Variants in PPFIA2 observed in about 807,000 individuals in gnomAD.
The protein encoded by PPFIA2 is liprin-alpha-2.
Under a neutral mutation model 175.5 loss-of-function variants are expected in PPFIA2, and 46 were observed. The ratio of observed to expected loss-of-function variants is 0.26; its 90% CI spans 0.21 to 0.34. The LOEUF (loss-of-function observed/expected upper bound fraction) is 0.34, where lower values mean the gene tolerates loss of function less well. PPFIA2 is among the 10% of genes least tolerant of loss of function. PPFIA2 has a pLI of 1.00. For synonymous variants in PPFIA2, 568 were observed against 511.4 expected, an observed-to-expected ratio of 1.11 and a Z score of -1.49; for missense variants, 1,179 against 1,506.1, an observed-to-expected ratio of 0.78 and a Z score of 3.60.
intron 4 of PPFIA2, among the ~76,000 whole-genome samples, chr12:81,642,745 G>A (rs60223370): frequency 0.78 from 6,690 of 8,596 alleles, 2,816 homozygotes; most frequent in East Asian, 0.87. Context: ...ATGTATGTAT[G>A]TATTATATAC....
chr12:81,684,127 A>G lies in PPFIA2; in HGVS notation c.250-7283T>C, dbSNP rs1007792957. ...ACAAACATTAAAACCATAGCAGTAG[A>G]TATCCTCCTATTTAACTCACCCACT... On this transcript the variant is annotated intron_variant, in intron 3 of 32. Transcript: ENST00000549396. Among the ~76,000 whole-genome samples, 9 of 152,122 alleles carry G rather than the reference A, an allele frequency of 5.9e-5. No homozygotes were observed. In the East Asian group the frequency reaches 9.7e-4, roughly 16 times the overall value.
intron 5 of PPFIA2, among the ~76,000 whole-genome samples, chr12:81,450,955 T>C (rs909087829): frequency 1.3e-5 from 2 of 152,160 alleles, no homozygotes; most frequent in African/African-American, 4.8e-5. Context: ...GAACTACTGA[T>C]AGAAATAAGA....
rs1214838209 is a variant in PPFIA2 at position 81,347,562 on chromosome 12, C to G, written c.2203G>C (p.Glu735Gln). 5 of 1,612,530 alleles carry G rather than the reference C, an allele frequency of 3.1e-6. No homozygotes were observed. In the South Asian group the frequency reaches 4.4e-5, roughly 14 times the overall value. Residue 735 changes from glutamate (E) to glutamine (Q), a missense_variant, in exon 18 of 33, where the codon GAA (glutamate) becomes CAA (glutamine). This residue lies in a region of PPFIA2 where 223 missense variants were observed against 241.6 expected (regional missense o/e 0.92). Coordinates refer to ENST00000549396, the MANE Select transcript of PPFIA2 (RefSeq NM_003625.5). ...GTCATGACTCCCATCCGATCCATTTCCCTGGCAGGGCTTCGAGGGGTGAGC... is the reference window on the plus strand; with the variant it reads ...GTCATGACTCCCATCCGATCCATTTGCCTGGCAGGGCTTCGAGGGGTGAGC... Reference protein sequence around the residue: ...PKLTPRSPAREMDRMGVMTLP... With the variant: ...PKLTPRSPARQMDRMGVMTLP...
chr12:81,553,887 G>GA, intron 4 of PPFIA2, among the ~76,000 whole-genome samples: 1 of 152,182 alleles, frequency 6.6e-6, no homozygotes, highest in Middle Eastern at 3.4e-3. Context: ...TTTTGATGGT[G>GA]ATGATGGAGT....
At chr12:81,692,119 C>CACAT (rs1380189901) in intron 3 of PPFIA2, among the ~76,000 whole-genome samples, 3 of 151,358 alleles carry the variant, frequency 2.0e-5, no homozygotes, top group African/African-American at 7.3e-5. Context: ...GACACACACA[C>CACAT]ACACACACAC....
At chr12:81,637,356 G>A (rs572373154) in intron 4 of PPFIA2, among the ~76,000 whole-genome samples, 1 of 138,980 alleles carries the variant, frequency 7.2e-6, no homozygotes, top group Admixed American at 7.8e-5. Context: ...CGCCCGCCTC[G>A]GCCTCCCAAA....
At chr12:81,449,615 T>C (rs1593165367) in intron 5 of PPFIA2, among the ~76,000 whole-genome samples, 1 of 152,174 alleles carries the variant, frequency 6.6e-6, no homozygotes, top group East Asian at 1.9e-4. Flanking sequence ...ACTTATAGAA[T>C]GGTTAAATAA....
At chr12:81,610,873 G>A (rs1296296837) in intron 4 of PPFIA2, among the ~76,000 whole-genome samples, 2 of 152,166 alleles carry the variant, frequency 1.3e-5, no homozygotes, top group East Asian at 1.9e-4. Context: ...TGTAGTATAA[G>A]TTGAGTATAG....
At chr12:81,496,951 G>A (rs542420234) in intron 4 of PPFIA2, among the ~76,000 whole-genome samples, 6 of 152,284 alleles carry the variant, frequency 3.9e-5, no homozygotes, top group South Asian at 2.1e-4. Context: ...AAGCAGACAC[G>A]AGAGGCTCTA....
At chr12:81,521,610 G>A (rs546402933) in intron 4 of PPFIA2, among the ~76,000 whole-genome samples, 282 of 145,516 alleles carry the variant, frequency 1.9e-3, no homozygotes, top group Non-Finnish European at 3.2e-3. Flanking sequence ...GAGGTCAGGA[G>A]ATCGAGACCA....
At chr12:81,365,621 C>G (rs1333477795) in intron 14 of PPFIA2, among the ~76,000 whole-genome samples, 1 of 151,708 alleles carries the variant, frequency 6.6e-6, no homozygotes, top group Non-Finnish European at 1.5e-5. Flanking sequence ...GATGATTCAT[C>G]AAATCAATCA....
intron 4 of PPFIA2, among the ~76,000 whole-genome samples, chr12:81,634,402 T>C (rs553438198): frequency 1.3e-5 from 2 of 152,192 alleles, no homozygotes; most frequent in South Asian, 4.1e-4. Flanking sequence ...CATTTTGTAT[T>C]CTTTAAAGCA....
At chr12:81,636,390 C>G (rs887298397) in intron 4 of PPFIA2, among the ~76,000 whole-genome samples, 2 of 150,116 alleles carry the variant, frequency 1.3e-5, no homozygotes, top group African/African-American at 4.9e-5. Context: ...CTCAGCCTCC[C>G]GAGTAGCTGG....
chr12:81,674,029 G>A (rs1343197558), intron 4 of PPFIA2, among the ~76,000 whole-genome samples: 2 of 151,906 alleles, frequency 1.3e-5, no homozygotes, highest in Non-Finnish European at 1.5e-5. Flanking sequence ...TACTTATAAT[G>A]ACATTTGCAA....
chr12:81,655,516 A>T (rs1379512726), intron 4 of PPFIA2, among the ~76,000 whole-genome samples: 1 of 151,968 alleles, frequency 6.6e-6, no homozygotes, highest in Admixed American at 6.6e-5. Flanking sequence ...AATCAAAAAA[A>T]TTCTTATTTG....
intron 22 of PPFIA2, chr12:81,312,053 G>C: frequency 9.9e-7 from 1 of 1,012,306 alleles, no homozygotes; most frequent in Non-Finnish European, 1.5e-6. Flanking sequence ...TCAGGTCAGA[G>C]GCAGTGCAGC....
chr12:81,480,709 A>T lies in PPFIA2; in HGVS notation c.304-22843T>A, dbSNP rs142845739. Among the ~76,000 whole-genome samples, 34 of 152,254 alleles carry T rather than the reference A, an allele frequency of 2.2e-4. No homozygotes were observed. The East Asian group carries it at 6.4e-3, about 29-fold the overall frequency. On this transcript the variant is annotated intron_variant, in intron 4 of 32. Coordinates refer to ENST00000549396, the MANE Select transcript of PPFIA2 (RefSeq NM_003625.5). Reference sequence around the variant, plus strand: ...CTTGAGTTTGCTAGAAGTCCACTCCAGACCCTGTTTGCCTGGGTATCACCA... The same window carrying T: ...CTTGAGTTTGCTAGAAGTCCACTCCTGACCCTGTTTGCCTGGGTATCACCA...
At chr12:81,753,144 A>G (rs2084091652) in intron 3 of PPFIA2, among the ~76,000 whole-genome samples, 1 of 152,132 alleles carries the variant, frequency 6.6e-6, no homozygotes, top group Admixed American at 6.5e-5. Flanking sequence ...CATGTTGCCC[A>G]GGCTGGTCTC....
chr12:81,497,348 C>T (rs990583088), intron 4 of PPFIA2, among the ~76,000 whole-genome samples: 6 of 151,938 alleles, frequency 3.9e-5, no homozygotes, highest in Admixed American at 3.9e-4. Flanking sequence ...CCTTTTTTAT[C>T]TTTCCAAGAT....
Sources: gnomAD v4.1 joint callset for allele counts (sites outside exome capture counted in the v4.1 genomes callset) on GRCh38, gnomAD v4.1.1 for gene constraint, gnomAD v4.1.1 regional missense constraint, MANE v1.5 for transcripts, NCBI Gene and HGNC (gene_info 2026-07-23, HGNC 2026-07-21) for gene names.